The following USP42 variants were observed in gnomAD, a reference collection of about 807,000 sequenced individuals.
USP42 encodes ubiquitin specific peptidase 42.
Under a neutral mutation model 113.0 loss-of-function variants are expected in USP42, and 23 were observed. The ratio of observed to expected loss-of-function variants is 0.20; its 90% CI spans 0.15 to 0.29. The LOEUF (loss-of-function observed/expected upper bound fraction) is 0.29, where lower values mean the gene tolerates loss of function less well. Ranked by LOEUF, USP42 falls within the 10% of genes least tolerant of loss-of-function variation. The pLI is 1.00. For synonymous variants in USP42, 933 were observed against 699.0 expected, an observed-to-expected ratio of 1.33 and a Z score of -5.28; for missense variants, 2,174 against 1,779.8, an observed-to-expected ratio of 1.22 and a Z score of -3.99.
rs1781955376 is a variant in USP42 at position 6,150,125 on chromosome 7, T to A, written c.1929T>A (p.Asp643Glu). ...SSHSPGQDAEDEEATPHELQE... is the reference protein window; with the variant it reads ...SSHSPGQDAEEEEATPHELQE... ...ACTCTCCCGGCCAAGATGCCGAAGA[T>A]GAGGAGGCCACTCCGCACGAGCTTC... The change falls in exon 13 of 18, where the codon GAT becomes GAA. Residue 643 changes from aspartate (D) to glutamate (E), a missense_variant. Asp to Glu is a conservative substitution (Grantham distance 45). Transcript: ENST00000306177. 1 of 1,613,156 alleles carries A rather than the reference T, an allele frequency of 6.2e-7. No individual in the cohort carries two copies. The highest frequency in any genetic ancestry group is 8.5e-7 in the Non-Finnish European group (1 of 1,179,484).
chr7:6,113,451 T>C lies in USP42; in HGVS notation c.242-1872T>C, dbSNP rs144581792. ...CTCACATCTCCCCACTCTCCCCTTT[T>C]CTGGGGCTCTCATCTCATTCTCCAC... On this transcript the variant is annotated intron_variant, in intron 2 of 17. Coordinates refer to ENST00000306177, the MANE Select transcript of USP42 (RefSeq NM_032172.3). Among the ~76,000 whole-genome samples the C allele has an allele frequency of 3.6e-3, 547 of 152,154 alleles. 3 individuals are homozygous for C. The highest frequency in any genetic ancestry group is 0.013 in the African/African-American group (528 of 41,512).
chr7:6,121,538 C>T (rs1474245823), intron 3 of USP42, among the ~76,000 whole-genome samples: 1 of 151,856 alleles, frequency 6.6e-6, no homozygotes, highest in Admixed American at 6.6e-5. Context: ...TTCTTCGCAT[C>T]TGTTTCCTGG....
chr7:6,125,089 G>C (rs1780451988), intron 3 of USP42, among the ~76,000 whole-genome samples: 2 of 151,172 alleles, frequency 1.3e-5, no homozygotes, highest in South Asian at 4.1e-4. Flanking sequence ...GCTGAGGCAG[G>C]AGAATCGCTT....
chr7:6,122,092 T>C lies in USP42; in HGVS notation c.442+6569T>C, dbSNP rs184985312. Among the ~76,000 whole-genome samples the C allele has an allele frequency of 6.8e-4, 104 of 152,340 alleles. 2 individuals are homozygous for C. The highest frequency in any genetic ancestry group is 6.5e-3 in the Admixed American group (100 of 15,298). ...TGTGTTTTATTGATGTTTGTTGTTA[T>C]TGTCATTATTCCATTTCTTCTGCTT... On this transcript the variant is annotated intron_variant, in intron 3 of 17. Coordinates refer to ENST00000306177, the MANE Select transcript of USP42 (RefSeq NM_032172.3).
the USP42 span, among the ~76,000 whole-genome samples, chr7:6,092,850 T>C: frequency 2.0e-5 from 3 of 151,254 alleles, no homozygotes; most frequent in African/African-American, 4.9e-5. Context: ...TTTCACACTT[T>C]AATGTCTTAT....
chr7:6,149,477 GAAA>G (rs60551222), intron 12 of USP42, 103 bp from the exon 13 acceptor site: 62 of 1,151,084 alleles, frequency 5.4e-5, no homozygotes, highest in Middle Eastern at 3.1e-4. Flanking sequence ...TGTTAGTCCT[GAAA>G]AAAAAAAAAA....
intron 3 of USP42, among the ~76,000 whole-genome samples, chr7:6,133,231 C>T (rs1010361238): frequency 1.1e-4 from 16 of 152,156 alleles, no homozygotes; most frequent in Non-Finnish European, 2.2e-4. Context: ...CATGCCTCTT[C>T]CCAAAAACCT....
intron 14 of USP42, among the ~76,000 whole-genome samples, chr7:6,150,788 C>A (rs553718132): frequency 4.6e-5 from 7 of 152,322 alleles, no homozygotes; most frequent in Middle Eastern, 3.4e-3. Context: ...ACTGGCACGC[C>A]TTCAAGTGCC....
chr7:6,135,509 A>C (rs1781083922), intron 3 of USP42, among the ~76,000 whole-genome samples: 2 of 151,858 alleles, frequency 1.3e-5, no homozygotes. Context: ...AAAATTAGCC[A>C]GGCATGGTGG....
At chr7:6,137,015 T>G (rs1036012782) in intron 4 of USP42, among the ~76,000 whole-genome samples, 4 of 152,178 alleles carry the variant, frequency 2.6e-5, no homozygotes, top group Non-Finnish European at 5.9e-5. Flanking sequence ...CTATTTAATT[T>G]TTGAATTTTA....
intron 3 of USP42, among the ~76,000 whole-genome samples, chr7:6,130,779 G>A (rs924456611): frequency 3.3e-5 from 5 of 152,116 alleles, no homozygotes; most frequent in African/African-American, 1.2e-4. Flanking sequence ...AGACACAAGA[G>A]AGGCTCAGGA....
Position 6,154,436 on chromosome 7 carries a change from C to T in USP42, c.2882C>T (p.Ser961Phe), listed in dbSNP as rs980665534. Reference sequence around the variant, plus strand: ...TACCGCAGCCGGAGAGAGCGCTCGTCCAGCGGGGAGCCCGCCAGAGAGAGC... The same window carrying T: ...TACCGCAGCCGGAGAGAGCGCTCGTTCAGCGGGGAGCCCGCCAGAGAGAGC... ...GHYRSRRERS[S>F]SGEPARESRS... The change falls in exon 15 of 18, where the codon TCC becomes TTC. Residue 961 changes from serine (S) to phenylalanine (F), a missense_variant. Coordinates refer to ENST00000306177, the MANE Select transcript of USP42 (RefSeq NM_032172.3). The T allele has an allele frequency of 2.5e-6, 4 of 1,570,294 alleles. No individual in the cohort carries two copies. Among genetic ancestry groups the T allele is most frequent in the Admixed American group, 3.7e-5 (2 of 53,598 alleles).
At chr7:6,100,091 G>A (rs537499878), upstream of USP42, among the ~76,000 whole-genome samples, 2 of 148,128 alleles carry the variant, frequency 1.4e-5, no homozygotes, top group East Asian at 4.0e-4. Context: ...GGCCTCAAGC[G>A]ATCTTCCGGC....
rs765519327 is a variant in USP42 at position 6,149,566 on chromosome 7, G to A, written c.1387-17G>A. The A allele has an allele frequency of 1.4e-5, 23 of 1,603,918 alleles. No individual in the cohort carries two copies. The East Asian group carries it at 4.2e-4, about 30-fold the overall frequency. On this transcript the variant is annotated splice_polypyrimidine_tract_variant and intron_variant, in intron 12 of 17. Transcript: ENST00000306177. ...TGTTTCTGGAGCTCTGACCAGGTGCGCTCTGCTTACTTCCAGAATCCACCT... is the reference window on the plus strand; with the variant it reads ...TGTTTCTGGAGCTCTGACCAGGTGCACTCTGCTTACTTCCAGAATCCACCT...
rs1468703938 is a variant in USP42 at position 6,155,140 on chromosome 7, A to G, written c.3586A>G (p.Lys1196Glu). 1 of 1,549,612 alleles carries G rather than the reference A, an allele frequency of 6.5e-7. No homozygotes were observed. The highest frequency in any genetic ancestry group is 1.2e-5 in the South Asian group (1 of 83,840). ...PLEEPKAKKH[K>E]KSKKKKKSKD... Reference sequence around the variant, plus strand: ...AGAAGAGCCTAAAGCAAAGAAGCACAAAAAATCAAAGAAGAAAAAGAAATC... The same window carrying G: ...AGAAGAGCCTAAAGCAAAGAAGCACGAAAAATCAAAGAAGAAAAAGAAATC... Residue 1196 changes from lysine to glutamate, a missense_variant, in exon 15 of 18, where the codon AAA becomes GAA. Transcript: ENST00000306177.
At chr7:6,117,363 G>C (rs1229255755) in intron 3 of USP42, among the ~76,000 whole-genome samples, 1 of 152,202 alleles carries the variant, frequency 6.6e-6, no homozygotes, top group East Asian at 1.9e-4. Flanking sequence ...TATTCCATTT[G>C]TGCCATGTAG....
At chr7:6,144,743 A>T (rs1447302325) in intron 9 of USP42, among the ~76,000 whole-genome samples, 1 of 151,798 alleles carries the variant, frequency 6.6e-6, no homozygotes, top group East Asian at 1.9e-4. Flanking sequence ...GGTGGCAGGC[A>T]CTTGTAATCC....
intron 15 of USP42, among the ~76,000 whole-genome samples, chr7:6,155,673 G>A (rs965520283): frequency 2.6e-4 from 40 of 152,216 alleles, no homozygotes; most frequent in African/African-American, 9.7e-4. Flanking sequence ...CCTGCCCAGC[G>A]TAGGCATCGG....
At chr7:6,122,818 C>T (rs10242394) in intron 3 of USP42, among the ~76,000 whole-genome samples, 14,443 of 151,292 alleles carry the variant, frequency 0.095, 828 homozygotes, top group African/African-American at 0.15. Flanking sequence ...TGCTCAGGCT[C>T]ATCTCAAACT....
Sources: allele counts gnomAD v4.1 joint callset (sites outside exome capture counted in the v4.1 genomes callset), GRCh38; gene constraint gnomAD v4.1.1; transcripts MANE v1.5; gene names NCBI Gene and HGNC (gene_info 2026-07-23, HGNC 2026-07-21).